The following CECR2 variants were observed in gnomAD, a reference collection of about 807,000 sequenced individuals.
CECR2 encodes the protein chromatin remodeling regulator CECR2.
CECR2 carries 30 observed loss-of-function variants against 154.5 expected under a neutral mutation model. That is an observed-to-expected ratio of 0.19 (90% CI 0.15 to 0.26). The LOEUF is 0.26. CECR2 is among the 10% of genes least tolerant of loss of function. The pLI is 1.00. For missense variants in CECR2, 1,743 were observed against 1,829.3 expected (o/e 0.95, Z 0.86); for synonymous variants, 725 against 683.7 (o/e 1.06, Z -0.94).
chr22:17,393,839 T>A (rs2053766184), intron 1 of CECR2, among the ~76,000 whole-genome samples: 1 of 152,074 alleles, frequency 6.6e-6, no homozygotes, highest in South Asian at 2.1e-4. Flanking sequence ...TTTTAAAAAA[T>A]GGGCTGTTTG....
chr22:17,518,097 A>G (rs1186874974), intron 8 of CECR2, among the ~76,000 whole-genome samples: 1 of 151,756 alleles, frequency 6.6e-6, no homozygotes. Flanking sequence ...CTCAGAGCCC[A>G]CCAGTTCTTT....
rs2056763864 is a variant in CECR2 at position 17,555,572 on chromosome 22, T to C, written c.*2732T>C. On this transcript the variant is annotated 3_prime_UTR_variant, in exon 19 of 19. Coordinates refer to ENST00000262608, the MANE Select transcript of CECR2 (RefSeq NM_001290047.2). ...CACCCATCCCCAAGCAGGATCTTCT[T>C]CTCACCTTTTCTTCCTCCTCTAGCA... The C allele has an allele frequency of 6.6e-6, 1 of 152,272 alleles. No individual in the cohort carries two copies. Among genetic ancestry groups the C allele is most frequent in the African/African-American group, 2.4e-5 (1 of 41,460 alleles). 9.4% of individuals were successfully genotyped at this position (152,272 alleles called of 1,614,324 possible). A position where few individuals can be genotyped will look rare whatever the true frequency, so the allele number is the denominator to read the frequency against.
intron 1 of CECR2, among the ~76,000 whole-genome samples, chr22:17,443,588 C>A (rs936756194): frequency 5.9e-5 from 9 of 152,110 alleles, no homozygotes; most frequent in African/African-American, 2.2e-4. Context: ...AAATTGACTC[C>A]GGCTTAGCAG....
intron 2 of CECR2, among the ~76,000 whole-genome samples, chr22:17,482,970 C>T (rs972605252): frequency 5.9e-5 from 9 of 152,016 alleles, no homozygotes; most frequent in African/African-American, 1.9e-4. Flanking sequence ...CGTGAGCCAC[C>T]GCGCCCAGCC....
intron 16 of CECR2, among the ~76,000 whole-genome samples, chr22:17,546,174 C>A (rs1026271305): frequency 1.2e-4 from 18 of 152,188 alleles, no homozygotes; most frequent in Non-Finnish European, 2.6e-4. Flanking sequence ...CAAGTGAGTT[C>A]TGGAATTCAG....
Position 17,542,213 on chromosome 22 carries a change from G to A in CECR2, c.2070G>A (p.Lys690=). The change falls in exon 16 of 19, where the codon AAG becomes AAA. Residue 690 remains lysine (K), a synonymous_variant. Coordinates refer to ENST00000262608, the MANE Select transcript of CECR2 (RefSeq NM_001290047.2). ...CCAGGCTAGGCACACCAGAGGAGAA[G>A]CAAATGTGCGGGGGGCTGACACACC... ...RGPRLGTPEE[K]QMCGGLTHLS... 6.2e-7 allele frequency: 1 copy of A among 1,612,708 alleles called. No individual in the cohort carries two copies. The highest frequency in any genetic ancestry group is 8.5e-7 in the Non-Finnish European group (1 of 1,179,286).
intron 1 of CECR2, among the ~76,000 whole-genome samples, chr22:17,453,928 C>T (rs1466508002): frequency 2.0e-5 from 3 of 152,206 alleles, no homozygotes; most frequent in East Asian, 3.9e-4. Flanking sequence ...GCATTTCAAA[C>T]AGCTGGAAAT....
rs1372882349 is a variant in CECR2 at position 17,492,389 on chromosome 22, C to T, written c.222-5014C>T. Among the ~76,000 whole-genome samples, 3 of 152,124 alleles carry T rather than the reference C, an allele frequency of 2.0e-5. No homozygotes were observed. The East Asian group carries it at 5.8e-4, about 29-fold the overall frequency. ...TGTCCTACACAGTGAAGAATTCTGC[C>T]AGTTCCAGCCGGCAGAGGCTTGTGC... is the stretch of plus-strand genomic sequence containing the variant. On this transcript the variant is annotated intron_variant, in intron 2 of 18. Coordinates refer to ENST00000262608, the MANE Select transcript of CECR2 (RefSeq NM_001290047.2).
rs1474053811 is a variant in CECR2 at position 17,555,420 on chromosome 22, T to A, written c.*2580T>A. ...GTCCATGCCTTATAGGTACTAGTGC[T>A]TCGTCCATTGTCCAGGGAGTGTCCT... is the stretch of plus-strand genomic sequence containing the variant. On this transcript the variant is annotated 3_prime_UTR_variant, in exon 19 of 19. Transcript: ENST00000262608. 6.6e-6 allele frequency: 1 copy of A among 152,264 alleles called. No homozygotes were observed. Among genetic ancestry groups the A allele is most frequent in the African/African-American group, 2.4e-5 (1 of 41,450 alleles). The allele number at this position is 152,264 out of a possible 1,614,324, so 9.4% of individuals were successfully genotyped here.
At chr22:17,471,356 T>C (rs1349148678) in intron 1 of CECR2, among the ~76,000 whole-genome samples, 1 of 152,192 alleles carries the variant, frequency 6.6e-6, no homozygotes, top group Non-Finnish European at 1.5e-5. Context: ...CTAGTATAAT[T>C]GTTCTAGTCA....
intron 7 of CECR2, among the ~76,000 whole-genome samples, chr22:17,505,464 A>G (rs905864589): frequency 2.3e-4 from 35 of 151,032 alleles, no homozygotes; most frequent in African/African-American, 7.3e-4. Flanking sequence ...CTCATAAACC[A>G]TATGCCCCAT....
chr22:17,398,203 T>G (rs989045575), intron 1 of CECR2, among the ~76,000 whole-genome samples: 2 of 148,586 alleles, frequency 1.3e-5, no homozygotes, highest in African/African-American at 2.5e-5. Context: ...TATAACAAAG[T>G]GGGGGGGGGT....
chr22:17,425,883 A>T (rs12628073), intron 1 of CECR2, among the ~76,000 whole-genome samples: 3,593 of 152,256 alleles, frequency 0.024, 153 homozygotes, highest in East Asian at 0.22. Context: ...AGGAGATAAG[A>T]TCTACAGAAA....
intron 1 of CECR2, among the ~76,000 whole-genome samples, chr22:17,426,942 T>C (rs1429994249): frequency 1.3e-5 from 2 of 152,142 alleles, no homozygotes; most frequent in Admixed American, 1.3e-4. Context: ...GGTATACATG[T>C]GCCATGTTGG....
At chr22:17,545,232 G>A (rs174340) in intron 16 of CECR2, among the ~76,000 whole-genome samples, 30,707 of 151,178 alleles carry the variant, frequency 0.2, 3,292 homozygotes, top group Admixed American at 0.29. Context: ...AAAATTAGCC[G>A]GACGTGATGG....
intron 5 of CECR2, among the ~76,000 whole-genome samples, chr22:17,501,355 G>A (rs1381931084): frequency 6.6e-6 from 1 of 152,042 alleles, no homozygotes; most frequent in East Asian, 1.9e-4. Context: ...TCAGGAGATC[G>A]AGACCATCCT....
intron 1 of CECR2, among the ~76,000 whole-genome samples, chr22:17,422,343 G>A (rs1013931189): frequency 2.6e-5 from 4 of 152,042 alleles, no homozygotes; most frequent in South Asian, 2.1e-4. Context: ...GATTACAGGC[G>A]CGCGCCACCA....
At chr22:17,370,718 G>C (rs1320780519) in intron 1 of CECR2, among the ~76,000 whole-genome samples, 1 of 152,198 alleles carries the variant, frequency 6.6e-6, no homozygotes, top group Non-Finnish European at 1.5e-5. Flanking sequence ...AAACCCGAGG[G>C]TCCTGGAGCG....
At chr22:17,386,911 A>T (rs2063269692) in intron 1 of CECR2, among the ~76,000 whole-genome samples, 1 of 152,134 alleles carries the variant, frequency 6.6e-6, no homozygotes. Flanking sequence ...TCAGCCTCCT[A>T]CAGTGCTGGG....
Sources: gnomAD v4.1 joint callset for allele counts (sites outside exome capture counted in the v4.1 genomes callset) on GRCh38, gnomAD v4.1.1 for gene constraint, MANE v1.5 for transcripts, NCBI Gene and HGNC (gene_info 2026-07-23, HGNC 2026-07-21) for gene names.